LRRC37A2: variants seen among roughly 807,000 people sequenced by gnomAD.
LRRC37A2 encodes the protein leucine-rich repeat-containing protein 37A2.
A neutral mutation model predicts 68.8 loss-of-function variants in LRRC37A2; 9 were observed. That is an observed-to-expected ratio of 0.13 (90% CI 0.08 to 0.23). The LOEUF is 0.23. Ranked by LOEUF, LRRC37A2 falls within the 10% of genes least tolerant of loss-of-function variation. The pLI, the probability that LRRC37A2 is intolerant of heterozygous loss-of-function variation, is 1.00. For synonymous variants in LRRC37A2, 63 were observed against 367.6 expected (o/e 0.17, Z 9.48); for missense variants, 168 against 950.4 (o/e 0.18, Z 10.82).
chr17:47,003,620 T>A, the LRRC37A2 span, among the ~76,000 whole-genome samples: 317 of 152,324 alleles, frequency 2.1e-3, 1 homozygote, highest in Middle Eastern at 6.8e-3. Context: ...TGGGGTAGCA[T>A]GTTCTTTTTT....
the LRRC37A2 span, among the ~76,000 whole-genome samples, chr17:46,390,417 C>T: frequency 2.6e-5 from 3 of 113,368 alleles, no homozygotes; most frequent in East Asian, 6.8e-4. Context: ...CAGCCAGGCA[C>T]GGTGGCCCAC....
chr17:46,818,021 G>T, the LRRC37A2 span, among the ~76,000 whole-genome samples: 1 of 152,102 alleles, frequency 6.6e-6, no homozygotes, highest in African/African-American at 2.4e-5. Flanking sequence ...AGCCTTTGGG[G>T]TCTGAAATAG....
At chr17:46,728,449 T>G in the LRRC37A2 span, among the ~76,000 whole-genome samples, 1 of 152,174 alleles carries the variant, frequency 6.6e-6, no homozygotes, top group African/African-American at 2.4e-5. Context: ...AAAGTGAATA[T>G]TTAGAAGCTT....
the LRRC37A2 span, among the ~76,000 whole-genome samples, chr17:46,998,160 C>T: frequency 2.0e-5 from 3 of 152,004 alleles, no homozygotes; most frequent in East Asian, 1.9e-4. Flanking sequence ...GAATATATAA[C>T]GATATTAAAG....
chr17:46,949,543 CACG>C, the LRRC37A2 span, among the ~76,000 whole-genome samples: 1 of 152,170 alleles, frequency 6.6e-6, no homozygotes, highest in Non-Finnish European at 1.5e-5. Flanking sequence ...ATGGAATTGA[CACG>C]GTGGGTGGCC....
the LRRC37A2 span, among the ~76,000 whole-genome samples, chr17:46,960,530 T>C: frequency 6.6e-6 from 1 of 152,234 alleles, no homozygotes; most frequent in African/African-American, 2.4e-5. Flanking sequence ...GGAAAACTTT[T>C]GTTCACACAT....
the LRRC37A2 span, chr17:46,932,262 A>T: frequency 6.3e-7 from 1 of 1,592,936 alleles, no homozygotes. Context: ...TGGAGTTCAG[A>T]TCTCTGAGCG....
the LRRC37A2 span, among the ~76,000 whole-genome samples, chr17:47,000,827 A>G: frequency 6.6e-6 from 1 of 152,188 alleles, no homozygotes; most frequent in Non-Finnish European, 1.5e-5. Context: ...AGCCCTGCAG[A>G]TAACAGGGAA....
the LRRC37A2 span, among the ~76,000 whole-genome samples, chr17:46,860,937 C>T: frequency 6.6e-6 from 1 of 152,214 alleles, no homozygotes; most frequent in Non-Finnish European, 1.5e-5. Flanking sequence ...TAGCTCATGG[C>T]AGCCTTGAAC....
At chr17:46,979,188 G>A in the LRRC37A2 span, 1 of 545,158 alleles carries the variant, frequency 1.8e-6, no homozygotes, top group Non-Finnish European at 2.9e-6. Flanking sequence ...GGCACCGGGC[G>A]GGAAGCGACC....
the LRRC37A2 span, among the ~76,000 whole-genome samples, chr17:46,409,319 CAG>C: frequency 1.6e-4 from 20 of 128,722 alleles, no homozygotes; most frequent in Non-Finnish European, 2.6e-4. Context: ...TTTTTTAAGA[CAG>C]GGTCTCGTTC....
chr17:46,922,477 TATA>T, the LRRC37A2 span, among the ~76,000 whole-genome samples: 6 of 152,204 alleles, frequency 3.9e-5, 1 homozygote, highest in South Asian at 6.2e-4. Context: ...GAACTTAAAG[TATA>T]ATAATAAAAA....
chr17:46,797,999 GCT>G, the LRRC37A2 span, among the ~76,000 whole-genome samples: 1 of 152,136 alleles, frequency 6.6e-6, no homozygotes, highest in Non-Finnish European at 1.5e-5. Context: ...CGTGATCCCG[GCT>G]CTCTGCAACG....
the LRRC37A2 span, among the ~76,000 whole-genome samples, chr17:46,960,602 A>G: frequency 6.6e-6 from 1 of 152,270 alleles, no homozygotes; most frequent in African/African-American, 2.4e-5. Context: ...CAACCCAAAT[A>G]TCCTTCAACT....
chr17:46,498,818 A>G, the LRRC37A2 span, among the ~76,000 whole-genome samples: 1 of 149,976 alleles, frequency 6.7e-6, no homozygotes, highest in Non-Finnish European at 1.5e-5. Flanking sequence ...GCTCTTTAAA[A>G]TATGTATAGT....
chr17:46,715,325 G>A, the LRRC37A2 span, among the ~76,000 whole-genome samples: 1 of 152,180 alleles, frequency 6.6e-6, no homozygotes, highest in Non-Finnish European at 1.5e-5. Flanking sequence ...CCTAGAGTAG[G>A]TAGGGCTGTT....
the LRRC37A2 span, among the ~76,000 whole-genome samples, chr17:46,843,991 G>A: frequency 1.3e-5 from 2 of 152,234 alleles, no homozygotes; most frequent in Admixed American, 6.5e-5. Context: ...CTCTGTTGCA[G>A]TTCTTGCTCT....
the LRRC37A2 span, chr17:46,940,487 C>T: frequency 1.1e-5 from 17 of 1,612,926 alleles, no homozygotes; most frequent in East Asian, 6.7e-5. Flanking sequence ...AGGGACCTAG[C>T]GCAGGACTTT....
At chr17:46,795,635 G>T in the LRRC37A2 span, among the ~76,000 whole-genome samples, 1 of 152,208 alleles carries the variant, frequency 6.6e-6, no homozygotes, top group Non-Finnish European at 1.5e-5. Context: ...AGGGCCCTGT[G>T]CAAGGGGCAG....
Sources: allele counts gnomAD v4.1 joint callset (sites outside exome capture counted in the v4.1 genomes callset), GRCh38; gene constraint gnomAD v4.1.1; transcripts MANE v1.5; gene names NCBI Gene and HGNC (gene_info 2026-07-23, HGNC 2026-07-21).